The following XXYLT1 variants were observed in gnomAD, a reference collection of about 807,000 sequenced individuals.
The protein encoded by XXYLT1 is xyloside xylosyltransferase 1.
In XXYLT1, 20 loss-of-function variants were observed where a neutral mutation model predicts 28.9. The observed-to-expected ratio is 0.69, with a 90% confidence interval of 0.49 to 1.00. The LOEUF (loss-of-function observed/expected upper bound fraction) is 1.00. Among genes scored for constraint, XXYLT1 ranks in the 50% least tolerant of loss-of-function variants. The probability of loss-of-function intolerance (pLI) is 0.00; values close to 1 mark genes in which losing one functional copy is unlikely to be tolerated. For missense variants in XXYLT1, 542 were observed against 560.1 expected (o/e 0.97, Z 0.33); for synonymous variants, 257 against 253.8 (o/e 1.01, Z -0.12).
At chr3:195,107,547 G>GA (rs1459230146) in intron 3 of XXYLT1, among the ~76,000 whole-genome samples, 7 of 8,184 alleles carry the variant, frequency 8.6e-4, no homozygotes, top group East Asian at 1.2e-3. Flanking sequence ...GGGGGAGGAG[G>GA]AGGGGGAAGA....
intron 2 of XXYLT1, among the ~76,000 whole-genome samples, chr3:195,206,996 GA>G (rs56782944): frequency 0.035 from 5,272 of 150,032 alleles, 304 homozygotes; most frequent in African/African-American, 0.12. Context: ...GGTGGAGGGG[GA>G]AAAAAAAAGG....
In XXYLT1 at chr3:195,257,081, C is replaced by T. The variant is rs76892027; in HGVS notation, c.504+13474G>A. Among the ~76,000 whole-genome samples the T allele has an allele frequency of 0.024, 3,724 of 152,278 alleles. 167 individuals are homozygous for T. The highest frequency in any genetic ancestry group is 0.085 in the African/African-American group (3,547 of 41,530). On this transcript the variant is annotated intron_variant, in intron 1 of 3. Coordinates refer to ENST00000310380, the MANE Select transcript of XXYLT1 (RefSeq NM_152531.5). This position sits in a 1 kb window ranked among gnomAD's most constrained non-coding sequence, Gnocchi z 4.3. Reference sequence around the variant, plus strand: ...CAGGAGAACCCGTGACAAGAGGGACCGGGAAGCTTTCTTTACAAGCTTGAG... The same window carrying T: ...CAGGAGAACCCGTGACAAGAGGGACTGGGAAGCTTTCTTTACAAGCTTGAG...
intron 3 of XXYLT1, among the ~76,000 whole-genome samples, chr3:195,132,171 A>G (rs918680506): frequency 6.6e-6 from 1 of 152,228 alleles, no homozygotes; most frequent in African/African-American, 2.4e-5. Flanking sequence ...CATGCTGGCC[A>G]TGAGCTTTTG....
At chr3:195,253,748 C>T (rs1725368103) in intron 1 of XXYLT1, among the ~76,000 whole-genome samples, 1 of 152,104 alleles carries the variant, frequency 6.6e-6, no homozygotes, top group Non-Finnish European at 1.5e-5. Context: ...ATCCGCCCGC[C>T]TCGGCCTCCC....
intron 3 of XXYLT1, among the ~76,000 whole-genome samples, chr3:195,109,539 G>A (rs59461746): frequency 0.045 from 4,059 of 90,814 alleles, 160 homozygotes; most frequent in African/African-American, 0.12. Context: ...TGGTGTACAT[G>A]TGTAGGGGGT....
intron 2 of XXYLT1, among the ~76,000 whole-genome samples, chr3:195,194,801 C>T (rs1288579844): frequency 6.6e-6 from 1 of 152,032 alleles, no homozygotes; most frequent in Non-Finnish European, 1.5e-5. Context: ...GTAAAGAACC[C>T]AGGTGGAAAA....
chr3:195,222,651 G>A (rs937361066), intron 2 of XXYLT1, among the ~76,000 whole-genome samples: 7 of 151,998 alleles, frequency 4.6e-5, no homozygotes, highest in Admixed American at 1.3e-4. Context: ...CTGAGAACAG[G>A]GAAATGAGAA....
At chr3:195,161,150 A>G (rs984835453) in intron 2 of XXYLT1, among the ~76,000 whole-genome samples, 2 of 152,238 alleles carry the variant, frequency 1.3e-5, no homozygotes, top group African/African-American at 2.4e-5. Context: ...GATTCAGCCC[A>G]TGAACCTCCA....
In XXYLT1 at chr3:195,255,407, G is replaced by A. The variant is rs1560178134; in HGVS notation, c.504+15148C>T. Among the ~76,000 whole-genome samples, 5 of 152,206 alleles carry A rather than the reference G, an allele frequency of 3.3e-5. No homozygotes were observed. The highest frequency in any genetic ancestry group is 1.9e-4 in the East Asian group (1 of 5,188). On this transcript the variant is annotated intron_variant, in intron 1 of 3. Transcript: ENST00000310380. This position sits in a 1 kb window ranked among gnomAD's most constrained non-coding sequence, Gnocchi z 4.5. ...GGACTCAGCTCCATCCAAGTGGGCT[G>A]AGCAGGGCCAGGCAATGGGTTGGAG...
At chr3:195,090,378 C>T (rs1330388815) in intron 3 of XXYLT1, among the ~76,000 whole-genome samples, 5 of 151,434 alleles carry the variant, frequency 3.3e-5, no homozygotes, top group South Asian at 2.1e-4. Flanking sequence ...GAATCTCACT[C>T]AAAACCACTC....
intron 3 of XXYLT1, among the ~76,000 whole-genome samples, chr3:195,099,990 TCTTA>T (rs1716686519): frequency 6.6e-6 from 1 of 152,168 alleles, no homozygotes; most frequent in Non-Finnish European, 1.5e-5. Context: ...ATTCTCCCTG[TCTTA>T]CTTAAAAAAG....
At chr3:195,072,694 G>T (rs1714892542) in intron 3 of XXYLT1, among the ~76,000 whole-genome samples, 1 of 152,174 alleles carries the variant, frequency 6.6e-6, no homozygotes, top group South Asian at 2.1e-4. Context: ...GTGTGCTGCA[G>T]CAGAAACACA....
At chr3:195,202,204 G>A (rs78302196) in intron 2 of XXYLT1, among the ~76,000 whole-genome samples, 2,918 of 152,074 alleles carry the variant, frequency 0.019, 102 homozygotes, top group African/African-American at 0.064. Context: ...AAGGACTGAC[G>A]GAGGCCAACT....
chr3:195,087,005 C>A (rs1247726294), intron 3 of XXYLT1, among the ~76,000 whole-genome samples: 1 of 152,158 alleles, frequency 6.6e-6, no homozygotes, highest in African/African-American at 2.4e-5. Context: ...TAGGCCTTCC[C>A]AGCTCCAGGT....
intron 2 of XXYLT1, among the ~76,000 whole-genome samples, chr3:195,160,632 C>A (rs1010507842): frequency 6.6e-6 from 1 of 152,188 alleles, no homozygotes; most frequent in South Asian, 2.1e-4. Context: ...CCTGCGGGAG[C>A]CAAAGGGCAA....
chr3:195,250,886 C>T (rs1373346763), intron 1 of XXYLT1, among the ~76,000 whole-genome samples: 1 of 152,206 alleles, frequency 6.6e-6, no homozygotes, highest in Non-Finnish European at 1.5e-5. Flanking sequence ...ATAGTAGATG[C>T]CCAGGCTGAA....
Position 195,210,023 on chromosome 3 carries a change from A to AGCAGAGTCAGCCC in XXYLT1, c.652+16685_652+16686insGGGCTGACTCTGC. ...GGCTTGGCAAACACACCAGAGGGAC[A>AGCAGAGTCAGCCC]CACAGGGATCTGACACCATCTGGGC... On this transcript the variant is annotated intron_variant, in intron 2 of 3. Transcript: ENST00000310380. This position sits in a 1 kb window ranked among gnomAD's most constrained non-coding sequence, Gnocchi z 4.8. Among the ~76,000 whole-genome samples the AGCAGAGTCAGCCC allele has an allele frequency of 6.6e-6, 1 of 152,148 alleles. No individual in the cohort carries two copies. The highest frequency in any genetic ancestry group is 6.5e-5 in the Admixed American group (1 of 15,276).
chr3:195,141,180 G>A (rs1719469148), intron 3 of XXYLT1, among the ~76,000 whole-genome samples: 1 of 152,166 alleles, frequency 6.6e-6, no homozygotes, highest in Non-Finnish European at 1.5e-5. Context: ...TATTACAGTA[G>A]CCTGAACTAA....
intron 1 of XXYLT1, among the ~76,000 whole-genome samples, chr3:195,246,393 G>A (rs1333507467): frequency 6.6e-6 from 1 of 152,188 alleles, no homozygotes; most frequent in African/African-American, 2.4e-5. Flanking sequence ...TCTTTGGCAA[G>A]CAGATACAGA....
Sources: allele counts gnomAD v4.1 joint callset (sites outside exome capture counted in the v4.1 genomes callset), GRCh38; gene constraint gnomAD v4.1.1; non-coding constraint Gnocchi (gnomAD v3.1); transcripts MANE v1.5; gene names NCBI Gene and HGNC (gene_info 2026-07-23, HGNC 2026-07-21).